Variants in LLGL2 observed in about 807,000 individuals in gnomAD.
LLGL2 encodes the protein LLGL2, scribble cell polarity complex component.
A neutral mutation model predicts 123.2 loss-of-function variants in LLGL2; 81 were observed. The ratio of observed to expected loss-of-function variants is 0.66; its 90% CI spans 0.55 to 0.79. The LOEUF is 0.79. Among genes scored for constraint, LLGL2 ranks in the 30% least tolerant of loss-of-function variants. LLGL2 has a pLI of 0.00. For synonymous variants in LLGL2, 577 were observed against 594.1 expected, an observed-to-expected ratio of 0.97 and a Z score of 0.42; for missense variants, 1,273 against 1,414.6, an observed-to-expected ratio of 0.90 and a Z score of 1.61.
chr17:75,525,069 G>T (rs2053503760), upstream of LLGL2: 1 of 154,360 alleles, frequency 6.5e-6, no homozygotes, highest in East Asian at 1.9e-4. This position sits in a 1 kb window ranked among gnomAD's most constrained non-coding sequence, Gnocchi z 4.8. Context: ...TGCAGCCCCG[G>T]CCTCCGCGCC....
rs1249197127 is a variant in LLGL2 at position 75,558,096 on chromosome 17, C to T, written c.174-59C>T. On this transcript the variant is annotated intron_variant, in intron 3 of 25. Transcript: ENST00000392550. This position sits in a 1 kb window ranked among gnomAD's most constrained non-coding sequence, Gnocchi z 4.0. ...GCACATGGGCCCCGAGGGCCTGGCA[C>T]TCAAGGCAGGCAGGGGATGGTGTCC... The T allele has an allele frequency of 6.5e-6, 10 of 1,534,126 alleles. No individual in the cohort carries two copies. The highest frequency in any genetic ancestry group is 2.7e-5 in the African/African-American group (2 of 73,412).
At position 75,544,006 on chromosome 17, in the gene LLGL2, G is replaced by A. The variant is rs574484780; in HGVS notation, c.75+505G>A. ...TGAACACGTGATTCCTTCTGGCTCCGGCCGGGGTGAGTGGGGAGAGGTGCC... is the reference window on the plus strand; with the variant it reads ...TGAACACGTGATTCCTTCTGGCTCCAGCCGGGGTGAGTGGGGAGAGGTGCC... On this transcript the variant is annotated intron_variant, in intron 2 of 25. Transcript: ENST00000392550. This position sits in a 1 kb window ranked among gnomAD's most constrained non-coding sequence, Gnocchi z 4.2. 1.1e-3 allele frequency among the ~76,000 whole-genome samples: 163 copies of A among 152,178 alleles called. No homozygotes were observed. The highest frequency in any genetic ancestry group is 1.9e-3 in the Non-Finnish European group (129 of 67,986).
intron 1 of LLGL2, among the ~76,000 whole-genome samples, chr17:75,535,140 C>T (rs918553545): frequency 2.0e-5 from 3 of 152,220 alleles, no homozygotes; most frequent in Admixed American, 6.5e-5. Context: ...GCACAGATGC[C>T]GCAGGGGTCA....
At chr17:75,571,206 A>C in intron 17 of LLGL2, 106 bp downstream of exon 17, 1 of 1,119,804 alleles carries the variant, frequency 8.9e-7, no homozygotes, top group Non-Finnish European at 1.3e-6. Context: ...GTAGGAGCTA[A>C]GAGGTTTCCC....
Position 75,558,332 on chromosome 17 carries a change from G to A in LLGL2, c.255+96G>A, listed in dbSNP as rs2055013055. The A allele has an allele frequency of 4.5e-6, 6 of 1,333,312 alleles. No homozygotes were observed. In the Admixed American group the frequency reaches 1.1e-4, roughly 25 times the overall value. 82.6% of individuals were successfully genotyped at this position (1,333,312 alleles called of 1,614,324 possible). A position where few individuals can be genotyped will look rare whatever the true frequency, so the allele number is the denominator to read the frequency against. On this transcript the variant is annotated intron_variant, in intron 4 of 25. Coordinates refer to ENST00000392550, the MANE Select transcript of LLGL2 (RefSeq NM_001031803.2). The surrounding 1 kb of genome is among the most constrained non-coding windows in gnomAD (Gnocchi z 4.0). ...GGTGTGGAGAGGCTGGCATTCGGTG[G>A]CCCTGGGTTTGCTGCTGATGGAAAG...
intron 1 of LLGL2, chr17:75,538,510 G>GTTCA: frequency 6.6e-6 from 1 of 152,226 alleles, no homozygotes; most frequent in South Asian, 2.1e-4. Flanking sequence ...CGCCTCCTCT[G>GTTCA]TTCATTCATT....
intron 1 of LLGL2, chr17:75,543,186 TG>T: frequency 2.9e-6 from 1 of 346,746 alleles, no homozygotes; most frequent in Non-Finnish European, 5.2e-6. Context: ...AGGCCACAGG[TG>T]GTGACAGCCT....
intron 1 of LLGL2, among the ~76,000 whole-genome samples, chr17:75,534,906 C>G (rs1306833348): frequency 6.6e-6 from 1 of 152,230 alleles, no homozygotes; most frequent in African/African-American, 2.4e-5. Context: ...AGCTAGCTCT[C>G]AATCCCTTTT....
chr17:75,532,490 C>G (rs1440066722), intron 1 of LLGL2: 1 of 152,218 alleles, frequency 6.6e-6, no homozygotes, highest in Non-Finnish European at 1.5e-5. Flanking sequence ...GTGGCATGAT[C>G]TTGGCTCACT....
At chr17:75,573,654 TCTC>T in intron 21 of LLGL2, 23 bp downstream of exon 21, 1 of 1,550,790 alleles carries the variant, frequency 6.4e-7, no homozygotes, top group Non-Finnish European at 8.7e-7. Flanking sequence ...GCCAGAGGCC[TCTC>T]CCGCCCCTCC....
At chr17:75,570,859 G>T in intron 16 of LLGL2, 91 bp from the exon 17 acceptor site, 1 of 1,462,510 alleles carries the variant, frequency 6.8e-7, no homozygotes. Flanking sequence ...GCTGTGGCCT[G>T]CCTTCCGATG....
At position 75,570,625 on chromosome 17, in the gene LLGL2, C is replaced by G. The variant is rs891416620; in HGVS notation, c.2025+127C>G. 4.2e-5 allele frequency: 51 copies of G among 1,218,948 alleles called. No homozygotes were observed. The Middle Eastern group carries it at 1.1e-3, about 27-fold the overall frequency. The allele number at this position is 1,218,948 out of a possible 1,614,324, so 75.5% of individuals were successfully genotyped here. A position where few individuals can be genotyped will look rare whatever the true frequency, so the allele number is the denominator to read the frequency against. ...TACAAACAAGATTCAGGGTCCAGGT[C>G]GCATTGTGTGACCTCAGACAGGTCA... On this transcript the variant is annotated intron_variant, in intron 16 of 25. Transcript: ENST00000392550.
At chr17:75,525,209 G>A (rs1287255110), upstream of LLGL2, 11 of 144,112 alleles carry the variant, frequency 7.6e-5, no homozygotes, top group Admixed American at 4.7e-4. The surrounding 1 kb of genome is among the most constrained non-coding windows in gnomAD (Gnocchi z 4.8). Flanking sequence ...CCGAGGAAAG[G>A]CGTCTCGCCG....
rs947415414 is a variant in LLGL2, at chr17:75,543,464, G to A, written c.38G>A (p.Arg13Gln). 14 of 1,612,292 alleles carry A rather than the reference G, an allele frequency of 8.7e-6. No individual in the cohort carries two copies. Among genetic ancestry groups the A allele is most frequent in the Middle Eastern group, 1.6e-4 (1 of 6,076 alleles). Residue 13 changes from arginine to glutamine, a missense_variant, in exon 2 of 26, where the codon CGG (arginine) becomes CAG (glutamine). Physicochemically the swap from Arg to Gln is conservative, Grantham distance 43. Transcript: ENST00000392550. ...RFLRPGHDPV[R>Q]ERLKRDLFQF... ...CTGAGGCCAGGGCATGACCCTGTGCGGGAGAGGCTCAAGCGGGACCTGTTC... is the reference window on the plus strand; with the variant it reads ...CTGAGGCCAGGGCATGACCCTGTGCAGGAGAGGCTCAAGCGGGACCTGTTC...
intron 1 of LLGL2, among the ~76,000 whole-genome samples, chr17:75,529,118 T>C (rs569505009): frequency 6.8e-6 from 1 of 148,144 alleles, no homozygotes; most frequent in East Asian, 2.0e-4. Flanking sequence ...ATCGTGCGAT[T>C]GCACTCCAGC....
intron 14 of LLGL2, among the ~76,000 whole-genome samples, chr17:75,569,681 G>A (rs1480067975): frequency 1.3e-5 from 2 of 152,108 alleles, no homozygotes; most frequent in East Asian, 3.9e-4. Flanking sequence ...GCTCGTGCCT[G>A]TAATCCCAGC....
Position 75,554,349 on chromosome 17 carries a change from C to T in LLGL2, c.76-1697C>T, listed in dbSNP as rs139597424. 7.3e-5 allele frequency among the ~76,000 whole-genome samples: 11 copies of T among 150,974 alleles called. No homozygotes were observed. In the East Asian group the frequency reaches 2.1e-3, roughly 29 times the overall value. On this transcript the variant is annotated intron_variant, in intron 2 of 25. Coordinates refer to ENST00000392550, the MANE Select transcript of LLGL2 (RefSeq NM_001031803.2). ...ATTTTAGGCAGCTTGCAGTGACTCACGCCTGTAATCCCAGCGCTTTGGGAG... is the reference window on the plus strand; with the variant it reads ...ATTTTAGGCAGCTTGCAGTGACTCATGCCTGTAATCCCAGCGCTTTGGGAG...
In LLGL2 at chr17:75,559,114, A is replaced by G. The variant is rs1487294919; in HGVS notation, c.372-138A>G. On this transcript the variant is annotated intron_variant, in intron 5 of 25. Transcript: ENST00000392550. This position sits in a 1 kb window ranked among gnomAD's most constrained non-coding sequence, Gnocchi z 4.6. ...CTCCTGTCTTGGCAGAAAGTGACCAATGTTTGTCCTGGCTTGAAATGTTAT... is the reference window on the plus strand; with the variant it reads ...CTCCTGTCTTGGCAGAAAGTGACCAGTGTTTGTCCTGGCTTGAAATGTTAT... 5.3e-6 allele frequency: 5 copies of G among 943,112 alleles called. No homozygotes were observed. Among genetic ancestry groups the G allele is most frequent in the Admixed American group, 3.0e-5 (1 of 32,882 alleles). The allele number at this position is 943,112 out of a possible 1,614,324, so 58.4% of individuals were successfully genotyped here. A position where few individuals can be genotyped will look rare whatever the true frequency, so the allele number is the denominator to read the frequency against.
chr17:75,568,329 TG>T, intron 10 of LLGL2, 146 bp from the exon 11 acceptor site: 1 of 1,442,908 alleles, frequency 6.9e-7, no homozygotes, highest in Non-Finnish European at 9.1e-7. Flanking sequence ...GCTGCCCTCC[TG>T]GAGATGGAAA....
Sources: gnomAD v4.1 joint callset for allele counts (sites outside exome capture counted in the v4.1 genomes callset) on GRCh38, gnomAD v4.1.1 for gene constraint, Gnocchi (gnomAD v3.1) non-coding constraint, MANE v1.5 for transcripts, NCBI Gene and HGNC (gene_info 2026-07-23, HGNC 2026-07-21) for gene names.